SCFD2: variants seen among roughly 807,000 people sequenced by gnomAD.
The protein encoded by SCFD2 is sec1 family domain containing 2, also known as sec1 family domain-containing protein 2.
A neutral mutation model predicts 58.9 loss-of-function variants in SCFD2; 54 were observed. The ratio of observed to expected loss-of-function variants is 0.92; its 90% CI spans 0.74 to 1.15. The LOEUF (loss-of-function observed/expected upper bound fraction) is 1.15, where lower values mean the gene tolerates loss of function less well. Among genes scored for constraint, SCFD2 ranks in the 50% most tolerant of loss-of-function variants. The probability of loss-of-function intolerance (pLI) is 0.00; values close to 1 mark genes in which losing one functional copy is unlikely to be tolerated. For missense variants in SCFD2, 805 were observed against 836.6 expected (o/e 0.96, Z 0.47); for synonymous variants, 321 against 335.9 (o/e 0.96, Z 0.49).
intron 3 of SCFD2, among the ~76,000 whole-genome samples, chr4:53,298,017 A>C (rs1281622197): frequency 1.3e-5 from 2 of 152,176 alleles, no homozygotes; most frequent in Admixed American, 1.3e-4. Context: ...TCCCAGCATG[A>C]ACGACACAGA....
chr4:52,881,984 G>C (rs1478041592), intron 8 of SCFD2, among the ~76,000 whole-genome samples: 2 of 152,146 alleles, frequency 1.3e-5, no homozygotes, highest in African/African-American at 4.8e-5. Context: ...ACGTAGGCAG[G>C]GGTGAGATCA....
chr4:52,959,864 G>A lies in SCFD2; in HGVS notation c.1562-38994C>T, dbSNP rs1162409107. On this transcript the variant is annotated intron_variant, in intron 5 of 8. Transcript: ENST00000401642. ...GAACACTGACAGTACATGAGGGAGG[G>A]AGGCAGGGAGGAAGAGAGAGACTCC... Among the ~76,000 whole-genome samples, 3 of 146,938 alleles carry A rather than the reference G, an allele frequency of 2.0e-5. No individual in the cohort carries two copies. In the East Asian group the frequency reaches 6.6e-4, roughly 32 times the overall value.
chr4:53,216,595 C>T (rs1237314784), intron 4 of SCFD2, among the ~76,000 whole-genome samples: 1 of 149,624 alleles, frequency 6.7e-6, no homozygotes, highest in Non-Finnish European at 1.5e-5. Flanking sequence ...TTCAAAAAAC[C>T]AGCTCCTGGA....
At chr4:52,987,262 C>T (rs551681032) in intron 5 of SCFD2, among the ~76,000 whole-genome samples, 12 of 152,252 alleles carry the variant, frequency 7.9e-5, no homozygotes, top group South Asian at 4.1e-4. Flanking sequence ...GTGATCCGCC[C>T]GCCTCGGCCT....
chr4:53,303,017 AT>A (rs1456530822), intron 3 of SCFD2, among the ~76,000 whole-genome samples: 1 of 152,202 alleles, frequency 6.6e-6, no homozygotes, highest in African/African-American at 2.4e-5. Flanking sequence ...AACCTAGGCA[AT>A]ACCATTCAGG....
chr4:52,940,305 C>T (rs1720259582), intron 5 of SCFD2, among the ~76,000 whole-genome samples: 1 of 152,146 alleles, frequency 6.6e-6, no homozygotes, highest in Non-Finnish European at 1.5e-5. Flanking sequence ...CGACTACACT[C>T]AGCATGTATT....
intron 5 of SCFD2, among the ~76,000 whole-genome samples, chr4:53,024,168 C>T (rs1054171644): frequency 2.0e-5 from 3 of 152,130 alleles, no homozygotes; most frequent in Non-Finnish European, 4.4e-5. Flanking sequence ...AAGTGCTAGC[C>T]ATCACAAGAA....
At chr4:52,972,806 T>C (rs1341825831) in intron 5 of SCFD2, among the ~76,000 whole-genome samples, 1 of 152,180 alleles carries the variant, frequency 6.6e-6, no homozygotes, top group African/African-American at 2.4e-5. Context: ...ACAGAAATTA[T>C]AACAAACTGT....
At chr4:52,955,358 A>G (rs989469137) in intron 5 of SCFD2, among the ~76,000 whole-genome samples, 1 of 152,242 alleles carries the variant, frequency 6.6e-6, no homozygotes, top group Non-Finnish European at 1.5e-5. Context: ...CTATAATATA[A>G]GAAACAGATC....
At chr4:52,940,804 C>T (rs59945377) in intron 5 of SCFD2, among the ~76,000 whole-genome samples, 2,806 of 152,188 alleles carry the variant, frequency 0.018, 105 homozygotes, top group African/African-American at 0.064. Context: ...GCGGAAGGGA[C>T]GAGCATTTTA....
chr4:53,168,406 T>C (rs966416343), intron 4 of SCFD2, among the ~76,000 whole-genome samples: 3 of 152,058 alleles, frequency 2.0e-5, no homozygotes, highest in African/African-American at 7.2e-5. Flanking sequence ...AGATAAGAGC[T>C]CACAACTCAA....
At chr4:53,053,158 G>C (rs1723230378) in intron 5 of SCFD2, among the ~76,000 whole-genome samples, 1 of 151,468 alleles carries the variant, frequency 6.6e-6, no homozygotes, top group Non-Finnish European at 1.5e-5. Context: ...CCAGGAGGCG[G>C]AGGTTGCAGT....
chr4:53,339,676 AG>A (rs1413680644), intron 2 of SCFD2, among the ~76,000 whole-genome samples: 5 of 152,168 alleles, frequency 3.3e-5, no homozygotes, highest in Non-Finnish European at 5.9e-5. Flanking sequence ...AGGCTGAGGC[AG>A]GAGAATGGCT....
At chr4:52,904,491 T>G (rs1024805597) in intron 7 of SCFD2, among the ~76,000 whole-genome samples, 12 of 152,204 alleles carry the variant, frequency 7.9e-5, no homozygotes, top group African/African-American at 2.9e-4. Flanking sequence ...TCAACTCTAA[T>G]GCACACATTT....
intron 3 of SCFD2, among the ~76,000 whole-genome samples, chr4:53,305,793 T>C (rs1055428749): frequency 6.6e-5 from 10 of 152,160 alleles, no homozygotes; most frequent in African/African-American, 2.2e-4. Flanking sequence ...TGAGGAACTC[T>C]TTAGGTTTTT....
chr4:53,168,988 TGTG>T (rs1305044492), intron 4 of SCFD2, among the ~76,000 whole-genome samples: 1 of 152,264 alleles, frequency 6.6e-6, no homozygotes, highest in Non-Finnish European at 1.5e-5. Context: ...AGTGAGATGA[TGTG>T]GTATTTGTTT....
intron 5 of SCFD2, among the ~76,000 whole-genome samples, chr4:53,101,866 G>C (rs1560336140): frequency 6.6e-6 from 1 of 151,812 alleles, no homozygotes; most frequent in African/African-American, 2.4e-5. Flanking sequence ...AAACCAATAA[G>C]CTTTTTCTCC....
chr4:53,236,808 TTTTA>T (rs141143179), intron 4 of SCFD2, among the ~76,000 whole-genome samples: 57,119 of 137,616 alleles, frequency 0.42, 11,435 homozygotes, highest in Middle Eastern at 0.5. Context: ...AAAGTCACTG[TTTTA>T]TTTATTTATT....
intron 7 of SCFD2, among the ~76,000 whole-genome samples, chr4:52,892,903 A>G (rs944009209): frequency 7.2e-5 from 11 of 152,200 alleles, no homozygotes; most frequent in African/African-American, 1.4e-4. Flanking sequence ...GCCAAAATCA[A>G]GTTTGTGTTT....
Sources: allele counts gnomAD v4.1 joint callset (sites outside exome capture counted in the v4.1 genomes callset), GRCh38; gene constraint gnomAD v4.1.1; transcripts MANE v1.5; gene names NCBI Gene and HGNC (gene_info 2026-07-23, HGNC 2026-07-21).